Variants in HTR7 observed in about 807,000 individuals in gnomAD.
The protein encoded by HTR7 is 5-HT-7.
Under a neutral mutation model 34.0 loss-of-function variants are expected in HTR7, and 16 were observed. The ratio of observed to expected loss-of-function variants is 0.47; its 90% CI spans 0.32 to 0.71. The LOEUF is 0.71. Ranked by LOEUF, HTR7 falls within the 30% of genes least tolerant of loss-of-function variation. The probability of loss-of-function intolerance (pLI) is 0.04; values close to 1 mark genes in which losing one functional copy is unlikely to be tolerated. For missense variants in HTR7, 504 were observed against 625.5 expected (o/e 0.81, Z 2.07); for synonymous variants, 265 against 260.2 (o/e 1.02, Z -0.18).
chr10:90,849,712 T>C (rs1475607697), intron 1 of HTR7, among the ~76,000 whole-genome samples: 4 of 152,208 alleles, frequency 2.6e-5, no homozygotes, highest in African/African-American at 9.7e-5. Context: ...TTAGCATACA[T>C]TTAAAATATT....
chr10:90,828,810 C>T (rs1846119005), intron 1 of HTR7, among the ~76,000 whole-genome samples: 1 of 151,836 alleles, frequency 6.6e-6, no homozygotes, highest in South Asian at 2.1e-4. Context: ...AAATAGAATA[C>T]TTCTAAACTC....
chr10:90,796,596 CA>C (rs962426252), intron 1 of HTR7, among the ~76,000 whole-genome samples: 2 of 152,112 alleles, frequency 1.3e-5, no homozygotes, highest in African/African-American at 4.8e-5. Context: ...CTGTAGGTCC[CA>C]GCTACTAGGG....
In HTR7 at chr10:90,749,564, G is replaced by T; in HGVS notation, c.570C>A (p.Tyr190Ter). The T allele has an allele frequency of 6.2e-7, 1 of 1,612,990 alleles. No individual in the cohort carries two copies. Among genetic ancestry groups the T allele is most frequent in the Non-Finnish European group, 8.5e-7 (1 of 1,179,262 alleles). ...TGCATTTCCCATTCTGCCTCACAGG[G>T]TATGTGAGGGGCCTTGTGATCCCAA... Reference protein sequence around the residue: ...RYLGITRPLTYPVRQNGKCMA... With the variant: ...RYLGITRPLT The change falls in exon 2 of 4, where the codon TAC (tyrosine) becomes TAA (stop). Residue 190 changes from tyrosine to a stop codon, truncating the protein, a stop_gained. Coordinates refer to ENST00000336152, the MANE Select transcript of HTR7 (RefSeq NM_019859.4). LOFTEE classifies it high-confidence loss of function. The surrounding 1 kb of genome is among the most constrained non-coding windows in gnomAD (Gnocchi z 4.2).
chr10:90,800,750 C>A (rs1189346057), intron 1 of HTR7, among the ~76,000 whole-genome samples: 2 of 152,190 alleles, frequency 1.3e-5, no homozygotes, highest in Non-Finnish European at 2.9e-5. Context: ...CCCACCCTTT[C>A]CCCTTTATAA....
chr10:90,783,441 G>A (rs1056081298), intron 1 of HTR7, among the ~76,000 whole-genome samples: 1 of 151,994 alleles, frequency 6.6e-6, no homozygotes, highest in Admixed American at 6.6e-5. Context: ...GTTCTGGGTC[G>A]CCAGAAATCA....
At chr10:90,810,601 C>T (rs934240761) in intron 1 of HTR7, among the ~76,000 whole-genome samples, 1 of 152,218 alleles carries the variant, frequency 6.6e-6, no homozygotes, top group Admixed American at 6.5e-5. Context: ...CTATCCACCC[C>T]ATGGTGCTGA....
chr10:90,782,389 C>T (rs753045785), intron 1 of HTR7, among the ~76,000 whole-genome samples: 7 of 152,078 alleles, frequency 4.6e-5, no homozygotes, highest in Non-Finnish European at 1.0e-4. Context: ...GTAAAATAAT[C>T]CATATTATAT....
intron 1 of HTR7, among the ~76,000 whole-genome samples, chr10:90,766,270 T>C (rs1845022745): frequency 6.6e-6 from 1 of 152,252 alleles, no homozygotes. Flanking sequence ...CATTGCATAA[T>C]GACCTTCTTT....
At chr10:90,803,602 T>C (rs901139843) in intron 1 of HTR7, among the ~76,000 whole-genome samples, 1 of 152,338 alleles carries the variant, frequency 6.6e-6, no homozygotes, top group African/African-American at 2.4e-5. Flanking sequence ...TTCCTGAGTC[T>C]GGCTATGACC....
In HTR7 at chr10:90,742,272, A is replaced by G. The variant is rs775007440; in HGVS notation, c.*210T>C. On this transcript the variant is annotated 3_prime_UTR_variant, in exon 4 of 4. Coordinates refer to ENST00000336152, the MANE Select transcript of HTR7 (RefSeq NM_019859.4). ...TGAGATGATCTGCTATCTTAAACTGAGAACACACAATAGCACTGATCCACA... is the reference window on the plus strand; with the variant it reads ...TGAGATGATCTGCTATCTTAAACTGGGAACACACAATAGCACTGATCCACA... The G allele has an allele frequency of 7.5e-6, 3 of 400,484 alleles. No homozygotes were observed. The highest frequency in any genetic ancestry group is 1.3e-5 in the Non-Finnish European group (3 of 223,460). 24.8% of individuals were successfully genotyped at this position (400,484 alleles called of 1,614,324 possible). A position where few individuals can be genotyped will look rare whatever the true frequency, so the allele number is the denominator to read the frequency against.
chr10:90,757,566 C>A (rs1004620780), intron 1 of HTR7, among the ~76,000 whole-genome samples: 1 of 152,200 alleles, frequency 6.6e-6, no homozygotes, highest in Non-Finnish European at 1.5e-5. Context: ...TTCCCCGCAA[C>A]CCTACACTTC....
chr10:90,826,087 A>C (rs572763417), intron 1 of HTR7, among the ~76,000 whole-genome samples: 6 of 152,326 alleles, frequency 3.9e-5, no homozygotes, highest in African/African-American at 1.2e-4. Context: ...GAAGATAAAG[A>C]AAAGATCCTG....
intron 1 of HTR7, among the ~76,000 whole-genome samples, chr10:90,770,962 G>A (rs1423068579): frequency 1.3e-5 from 2 of 152,168 alleles, no homozygotes; most frequent in African/African-American, 4.8e-5. Context: ...GGACTAATGG[G>A]CACACACTTC....
At position 90,749,286 on chromosome 10, in the gene HTR7, G is replaced by A; in HGVS notation, c.848C>T (p.Pro283Leu). The change falls in exon 2 of 4, where the codon CCA (proline) becomes CTA (leucine). Residue 283 changes from proline (P) to leucine (L), a missense_variant. Pro to Leu is a moderately conservative substitution (Grantham distance 98). This residue lies in a region of HTR7 where 57 missense variants were observed against 47.5 expected (regional missense o/e 1.20). Coordinates refer to ENST00000336152, the MANE Select transcript of HTR7 (RefSeq NM_019859.4). The surrounding 1 kb of genome is among the most constrained non-coding windows in gnomAD (Gnocchi z 4.2). ...GCCATTCAGGGCGATGACGCTGTCTGGCTCCACTCGAGGGAAGCCAGGAAA... is the reference window on the plus strand; with the variant it reads ...GCCATTCAGGGCGATGACGCTGTCTAGCTCCACTCGAGGGAAGCCAGGAAA... ...HKFPGFPRVE[P>L]DSVIALNGIV... The A allele has an allele frequency of 6.2e-7, 1 of 1,614,164 alleles. No individual in the cohort carries two copies. Among genetic ancestry groups the A allele is most frequent in the Non-Finnish European group, 8.5e-7 (1 of 1,180,020 alleles).
chr10:90,825,833 T>A (rs180955297), intron 1 of HTR7, among the ~76,000 whole-genome samples: 2 of 152,060 alleles, frequency 1.3e-5, no homozygotes, highest in African/African-American at 4.8e-5. Context: ...AAAAAAGAAT[T>A]TAAAAAATGA....
chr10:90,756,837 T>C (rs1444250696), intron 1 of HTR7, among the ~76,000 whole-genome samples: 2 of 151,458 alleles, frequency 1.3e-5, no homozygotes, highest in African/African-American at 4.9e-5. Context: ...GAAAACCCTG[T>C]CATAAAAAAA....
intron 1 of HTR7, among the ~76,000 whole-genome samples, chr10:90,836,241 A>G (rs559530703): frequency 4.5e-4 from 69 of 152,234 alleles, no homozygotes; most frequent in African/African-American, 1.2e-3. Flanking sequence ...TCAAGCCCCA[A>G]TACAGGTTTT....
chr10:90,826,532 A>AAT (rs112343361), intron 1 of HTR7, among the ~76,000 whole-genome samples: 2 of 143,004 alleles, frequency 1.4e-5, no homozygotes, highest in African/African-American at 5.3e-5. Flanking sequence ...AAAAATAATA[A>AAT]TTTTAAGGCA....
intron 1 of HTR7, among the ~76,000 whole-genome samples, chr10:90,844,569 CA>C (rs796115600): frequency 1.7e-3 from 250 of 150,222 alleles, no homozygotes; most frequent in African/African-American, 5.6e-3. Context: ...ACTAAAAATA[CA>C]AAAAAAATTA....
Sources: allele counts gnomAD v4.1 joint callset (sites outside exome capture counted in the v4.1 genomes callset), GRCh38; gene constraint gnomAD v4.1.1; regional missense constraint gnomAD v4.1.1; non-coding constraint Gnocchi (gnomAD v3.1); transcripts MANE v1.5; gene names NCBI Gene and HGNC (gene_info 2026-07-23, HGNC 2026-07-21).